Variants in SUMO3 observed in about 807,000 individuals in gnomAD.
SUMO3 encodes small ubiquitin-related modifier 3.
SUMO3 carries 2 observed loss-of-function variants against 11.1 expected under a neutral mutation model. That is an observed-to-expected ratio of 0.18 (90% CI 0.07 to 0.57). The LOEUF is 0.57. Ranked by LOEUF, SUMO3 falls within the 20% of genes least tolerant of loss-of-function variation. SUMO3 has a pLI of 0.92. For synonymous variants in SUMO3, 56 were observed against 53.5 expected, an observed-to-expected ratio of 1.05 and a Z score of -0.20; for missense variants, 70 against 132.8, an observed-to-expected ratio of 0.53 and a Z score of 2.32.
chr21:44,813,755 T>C (rs946991634), intron 2 of SUMO3: 35 of 1,430,962 alleles, frequency 2.4e-5, no homozygotes, highest in Non-Finnish European at 2.8e-5. Flanking sequence ...ACCACACTTC[T>C]CCGAGCCTCT....
In SUMO3 at chr21:44,810,036, C is replaced by G. The variant is rs1042868498; in HGVS notation, c.151-918G>C. Among the ~76,000 whole-genome samples, 1 of 152,224 alleles carries G rather than the reference C, an allele frequency of 6.6e-6. No individual in the cohort carries two copies. The highest frequency in any genetic ancestry group is 6.5e-5 in the Admixed American group (1 of 15,286). Reference sequence around the variant, plus strand: ...CATGAGGCCGGGGAGCAGTTACCACCATGACTTTGGCCTTGAGGAGGGCAG... The same window carrying G: ...CATGAGGCCGGGGAGCAGTTACCACGATGACTTTGGCCTTGAGGAGGGCAG... On this transcript the variant is annotated intron_variant, in intron 2 of 3. Coordinates refer to ENST00000332859, the MANE Select transcript of SUMO3 (RefSeq NM_006936.3). This position sits in a 1 kb window ranked among gnomAD's most constrained non-coding sequence, Gnocchi z 4.1.
intron 1 of SUMO3, among the ~76,000 whole-genome samples, chr21:44,815,049 G>A (rs2083235626): frequency 6.6e-6 from 1 of 152,166 alleles, no homozygotes. Flanking sequence ...AGGGCCCTCC[G>A]GCTCACTCTG....
At chr21:44,809,421 G>A (rs1007209760) in intron 2 of SUMO3, among the ~76,000 whole-genome samples, 7 of 152,268 alleles carry the variant, frequency 4.6e-5, no homozygotes, top group South Asian at 2.1e-4. Flanking sequence ...GAGCTAAAAC[G>A]GCTCATTTTC....
At position 44,807,418 on chromosome 21, in the gene SUMO3, C is replaced by T. The variant is rs575363947; in HGVS notation, c.223-378G>A. On this transcript the variant is annotated intron_variant, in intron 3 of 3. Coordinates refer to ENST00000332859, the MANE Select transcript of SUMO3 (RefSeq NM_006936.3). This position sits in a 1 kb window ranked among gnomAD's most constrained non-coding sequence, Gnocchi z 4.3. ...ATTAGCAGCACTGAGTCCTAGGACC[C>T]ACAGGAGCCTTGCGCTTTATACCAA... 6.6e-6 allele frequency among the ~76,000 whole-genome samples: 1 copy of T among 152,286 alleles called. No individual in the cohort carries two copies. The highest frequency in any genetic ancestry group is 1.5e-5 in the Non-Finnish European group (1 of 68,030).
At chr21:44,808,523 A>G in intron 3 of SUMO3, 3 of 1,428,634 alleles carry the variant, frequency 2.1e-6, no homozygotes, top group East Asian at 2.8e-5. Flanking sequence ...TCAAAAAAAA[A>G]AGTCTGTTTC....
At chr21:44,817,392 T>C (rs1421752612) in intron 1 of SUMO3, among the ~76,000 whole-genome samples, 3 of 151,868 alleles carry the variant, frequency 2.0e-5, no homozygotes, top group Non-Finnish European at 4.4e-5. Flanking sequence ...GGGGTCGCGA[T>C]GGGCGCCCTG....
intron 2 of SUMO3, chr21:44,813,672 A>G (rs986638739): frequency 1.9e-5 from 15 of 774,232 alleles, no homozygotes; most frequent in African/African-American, 7.0e-5. Context: ...TCAGCATCAC[A>G]GACTTCACAG....
At chr21:44,817,921 G>A (rs942918399) in intron 1 of SUMO3, 27 bp downstream of exon 1, 1 of 1,162,250 alleles carries the variant, frequency 8.6e-7, no homozygotes. Context: ...CGATAGACGC[G>A]CGTGCAGGCG....
rs2083204073 is a variant in SUMO3, at chr21:44,810,578, CA to C, written c.151-1461del. Among the ~76,000 whole-genome samples the C allele has an allele frequency of 1.3e-5, 2 of 152,254 alleles. No individual in the cohort carries two copies. Among genetic ancestry groups the C allele is most frequent in the South Asian group, 4.1e-4 (2 of 4,836 alleles). ...GGCCCACGAAAGCGCGTGCCCTCAA[CA>C]CTGTGCGCCAAGTCCCCTCTCCCCT... On this transcript the variant is annotated intron_variant, in intron 2 of 3. Coordinates refer to ENST00000332859, the MANE Select transcript of SUMO3 (RefSeq NM_006936.3). This position sits in a 1 kb window ranked among gnomAD's most constrained non-coding sequence, Gnocchi z 4.1.
rs530144172 is a variant in SUMO3, at chr21:44,814,015, C to T, written c.111G>A (p.Thr37=). The change falls in exon 2 of 4, where the codon ACG becomes ACA. Residue 37 remains threonine, a synonymous_variant. Coordinates refer to ENST00000332859, the MANE Select transcript of SUMO3 (RefSeq NM_006936.3). ...AGGCCTTCATCAGCTTGCTCAGCGGCGTGTGCCTCTTGATCTTGAACTGCA... is the reference window on the plus strand; with the variant it reads ...AGGCCTTCATCAGCTTGCTCAGCGGTGTGTGCCTCTTGATCTTGAACTGCA... ...SVVQFKIKRH[T]PLSKLMKAYC... 3.8e-5 allele frequency: 61 copies of T among 1,613,394 alleles called. No homozygotes were observed. The highest frequency in any genetic ancestry group is 4.8e-5 in the Non-Finnish European group (57 of 1,180,024).
rs1439587231 is a variant in SUMO3 at position 44,807,145 on chromosome 21, C to T, written c.223-105G>A. On this transcript the variant is annotated intron_variant, in intron 3 of 3. Transcript: ENST00000332859. The surrounding 1 kb of genome is among the most constrained non-coding windows in gnomAD (Gnocchi z 4.3). ...TGGCATGAGTGTTCCCTGACACTAG[C>T]GACATCACCTGGTCACACCTTGGCT... 23 of 1,376,672 alleles carry T rather than the reference C, an allele frequency of 1.7e-5. No individual in the cohort carries two copies. The South Asian group carries it at 2.1e-4, about 13-fold the overall frequency. 85.3% of individuals were successfully genotyped at this position (1,376,672 alleles called of 1,614,324 possible).
chr21:44,814,307 A>G lies in SUMO3; in HGVS notation c.22-203T>C, dbSNP rs367829457. Among the ~76,000 whole-genome samples the G allele has an allele frequency of 1.0e-3, 155 of 152,328 alleles. 1 individual carries two copies. The highest frequency in any genetic ancestry group is 4.6e-3 in the South Asian group (22 of 4,832). ...TTTAACTTCCACTTGTTAAGCATCCATGTGTAAAACAATGCAAGCCTAGGG... is the reference window on the plus strand; with the variant it reads ...TTTAACTTCCACTTGTTAAGCATCCGTGTGTAAAACAATGCAAGCCTAGGG... On this transcript the variant is annotated intron_variant, in intron 1 of 3. Transcript: ENST00000332859.
At chr21:44,813,177 C>A (rs1048447300) in intron 2 of SUMO3, among the ~76,000 whole-genome samples, 22 of 152,180 alleles carry the variant, frequency 1.4e-4, no homozygotes. Flanking sequence ...AAAAGGGCAA[C>A]GAGTTGCTGT....
intron 2 of SUMO3, 144 bp downstream of exon 2, chr21:44,813,832 C>G: frequency 1.9e-6 from 3 of 1,540,660 alleles, no homozygotes; most frequent in South Asian, 1.2e-5. Context: ...ACAGCACAAG[C>G]CCCCGCCTGC....
chr21:44,808,706 TC>T, intron 3 of SUMO3: 1 of 1,300,910 alleles, frequency 7.7e-7, no homozygotes, highest in Non-Finnish European at 1.0e-6. Flanking sequence ...GGCACAAGAA[TC>T]CAGCTGGCCC....
Position 44,806,617 on chromosome 21 carries a change from G to T in SUMO3, c.*334C>A. On this transcript the variant is annotated 3_prime_UTR_variant, in exon 4 of 4. Coordinates refer to ENST00000332859, the MANE Select transcript of SUMO3 (RefSeq NM_006936.3). ...AACCAACTCAGGAGTCAGATCCCTGGCCAGACTAAAAGCGAACATTCAGGC... is the reference window on the plus strand; with the variant it reads ...AACCAACTCAGGAGTCAGATCCCTGTCCAGACTAAAAGCGAACATTCAGGC... 1 of 346,380 alleles carries T rather than the reference G, an allele frequency of 2.9e-6. No homozygotes were observed. The highest frequency in any genetic ancestry group is 5.2e-6 in the Non-Finnish European group (1 of 190,686). The allele number at this position is 346,380 out of a possible 1,614,324, so 21.5% of individuals were successfully genotyped here.
intron 2 of SUMO3, among the ~76,000 whole-genome samples, chr21:44,812,885 G>C (rs2083220825): frequency 6.6e-6 from 1 of 152,258 alleles, no homozygotes; most frequent in African/African-American, 2.4e-5. Flanking sequence ...GCAAGGGCCA[G>C]GGCCCAGCAT....
chr21:44,807,005 G>C lies in SUMO3; in HGVS notation c.258C>G (p.Phe86Leu). ...CCGGCACACCTCCCGTCTGCTGCTG[G>C]AACACGTCGATGGTGTCCTCGTCCT... ...EMEDEDTIDV[F>L]QQQTGGVPES... is the part of the protein sequence containing the mutation. Residue 86 changes from phenylalanine (F) to leucine (L), a missense_variant, in exon 4 of 4, where the codon TTC (phenylalanine) becomes TTG (leucine). Phe to Leu is a conservative substitution (Grantham distance 22). Coordinates refer to ENST00000332859, the MANE Select transcript of SUMO3 (RefSeq NM_006936.3). The surrounding 1 kb of genome is among the most constrained non-coding windows in gnomAD (Gnocchi z 4.3). 6.2e-7 allele frequency: 1 copy of C among 1,614,066 alleles called. No individual in the cohort carries two copies. Among genetic ancestry groups the C allele is most frequent in the Non-Finnish European group, 8.5e-7 (1 of 1,180,018 alleles).
rs1358503362 is a variant in SUMO3 at position 44,810,377 on chromosome 21, C to T, written c.151-1259G>A. On this transcript the variant is annotated intron_variant, in intron 2 of 3. Transcript: ENST00000332859. This position sits in a 1 kb window ranked among gnomAD's most constrained non-coding sequence, Gnocchi z 4.1. ...GATCCTAGGGCGGAGGGACTGGGCA[C>T]GCCCCAACCTGTGAGGCAGAGCTGT... Among the ~76,000 whole-genome samples the T allele has an allele frequency of 3.3e-5, 5 of 152,152 alleles. 1 individual carries two copies. The South Asian group carries it at 8.3e-4, about 25-fold the overall frequency.
Sources: allele counts gnomAD v4.1 joint callset (sites outside exome capture counted in the v4.1 genomes callset), GRCh38; gene constraint gnomAD v4.1.1; non-coding constraint Gnocchi (gnomAD v3.1); transcripts MANE v1.5; gene names NCBI Gene and HGNC (gene_info 2026-07-23, HGNC 2026-07-21).